Variants in AKAP6 observed in about 807,000 individuals in gnomAD.
The protein encoded by AKAP6 is A-kinase anchor protein 6.
A neutral mutation model predicts 188.5 loss-of-function variants in AKAP6; 58 were observed. The observed-to-expected ratio is 0.31, with a 90% CI of 0.25 to 0.38. AKAP6 has a LOEUF of 0.38. Ranked by LOEUF, AKAP6 falls within the 10% of genes least tolerant of loss-of-function variation. The probability of loss-of-function intolerance (pLI) is 1.00; values close to 1 mark genes in which losing one functional copy is unlikely to be tolerated. For missense variants in AKAP6, 2,710 were observed against 2,740.0 expected (o/e 0.99, Z 0.24); for synonymous variants, 989 against 998.6 (o/e 0.99, Z 0.18).
intron 4 of AKAP6, among the ~76,000 whole-genome samples, chr14:32,570,976 G>A (rs1300041100): frequency 6.6e-6 from 1 of 152,138 alleles, no homozygotes; most frequent in Non-Finnish European, 1.5e-5. Context: ...CCACCTTCTA[G>A]CTGTAGGGTA....
chr14:32,736,787 G>T (rs968793297), intron 11 of AKAP6, among the ~76,000 whole-genome samples: 2 of 134,088 alleles, frequency 1.5e-5, no homozygotes, highest in Middle Eastern at 3.7e-3. Flanking sequence ...CCAGTAATCC[G>T]TCAGAAAATT....
chr14:32,744,348 G>T (rs146761353), intron 11 of AKAP6, among the ~76,000 whole-genome samples: 3 of 150,964 alleles, frequency 2.0e-5, no homozygotes, highest in Admixed American at 6.6e-5. Context: ...ATGGAGTCTC[G>T]CTCTGTCACC....
At chr14:32,583,973 G>A (rs957786276) in intron 5 of AKAP6, among the ~76,000 whole-genome samples, 10 of 152,198 alleles carry the variant, frequency 6.6e-5, no homozygotes, top group Admixed American at 1.3e-4. Flanking sequence ...CGCACGGTGC[G>A]CTGCACCCAC....
At chr14:32,334,237 A>G (rs6571510) in intron 1 of AKAP6, among the ~76,000 whole-genome samples, 23,699 of 152,154 alleles carry the variant, frequency 0.16, 2,104 homozygotes, top group East Asian at 0.36. Flanking sequence ...AAAACATTCA[A>G]TGGAAGATTG....
intron 2 of AKAP6, among the ~76,000 whole-genome samples, chr14:32,523,024 T>C (rs1281844916): frequency 6.6e-6 from 1 of 152,140 alleles, no homozygotes; most frequent in Non-Finnish European, 1.5e-5. Flanking sequence ...ATGTCCTTTG[T>C]AGGGACATGG....
chr14:32,754,133 A>AT (rs1219343487), intron 11 of AKAP6, among the ~76,000 whole-genome samples: 1 of 151,904 alleles, frequency 6.6e-6, no homozygotes. Context: ...TTGTATTGCT[A>AT]TTTCTCTCTT....
intron 2 of AKAP6, among the ~76,000 whole-genome samples, chr14:32,487,070 A>C (rs550186989): frequency 5.3e-5 from 8 of 152,204 alleles, no homozygotes; most frequent in African/African-American, 1.9e-4. Flanking sequence ...CTCTGTTGAG[A>C]TAATCATGTG....
At chr14:32,631,091 T>C (rs868264923) in intron 7 of AKAP6, among the ~76,000 whole-genome samples, 3 of 152,082 alleles carry the variant, frequency 2.0e-5, no homozygotes, top group Non-Finnish European at 4.4e-5. Context: ...AGAAATATAC[T>C]TTCCATGTCT....
At chr14:32,718,414 A>G (rs1566664563) in intron 9 of AKAP6, 2 of 698,342 alleles carry the variant, frequency 2.9e-6, no homozygotes, top group Non-Finnish European at 3.5e-6. Context: ...AAAAGGCCCA[A>G]GGGGTCAGGG....
rs528412059 is a variant in AKAP6, at chr14:32,660,036, C to T, written c.2731-18275C>T. Among the ~76,000 whole-genome samples the T allele has an allele frequency of 5.9e-5, 9 of 152,180 alleles. No homozygotes were observed. In the South Asian group the frequency reaches 1.5e-3, roughly 25 times the overall value. ...TATATAAAGAAAGGTAAAAGGGAATCGTATTGATTGGACAAGAAGATGTTA... is the reference window on the plus strand; with the variant it reads ...TATATAAAGAAAGGTAAAAGGGAATTGTATTGATTGGACAAGAAGATGTTA... On this transcript the variant is annotated intron_variant, in intron 7 of 13. Transcript: ENST00000280979.
At chr14:32,437,847 G>A (rs1283096022) in intron 2 of AKAP6, among the ~76,000 whole-genome samples, 2 of 152,136 alleles carry the variant, frequency 1.3e-5, no homozygotes, top group African/African-American at 4.8e-5. Context: ...CGATCTTCTA[G>A]CCTCTGCCTT....
Position 32,367,648 on chromosome 14 carries a change from T to C in AKAP6, c.-35+38240T>C, listed in dbSNP as rs559245126. 9.2e-5 allele frequency among the ~76,000 whole-genome samples: 14 copies of C among 152,304 alleles called. No homozygotes were observed. In the South Asian group the frequency reaches 2.9e-3, roughly 32 times the overall value. On this transcript the variant is annotated intron_variant, in intron 1 of 13. Transcript: ENST00000280979. ...TTCTCTTCAGTGACTACATCACCAT[T>C]AGTATCCTGCTTACTAAGTCTTCCC...
intron 2 of AKAP6, among the ~76,000 whole-genome samples, chr14:32,453,635 C>T (rs1490393721): frequency 9.3e-6 from 1 of 107,944 alleles, no homozygotes; most frequent in Non-Finnish European, 1.7e-5. Context: ...CTCGTTCTGT[C>T]GCCCAGGCGG....
chr14:32,433,258 G>T, intron 1 of AKAP6: 1 of 488,072 alleles, frequency 2.0e-6, no homozygotes, highest in South Asian at 2.5e-5. Flanking sequence ...TATCACAGTG[G>T]TTTTATGTTC....
intron 12 of AKAP6, among the ~76,000 whole-genome samples, chr14:32,792,283 C>A (rs1489803120): frequency 2.0e-5 from 3 of 152,070 alleles, no homozygotes; most frequent in Non-Finnish European, 4.4e-5. Flanking sequence ...TGTTTGTGTC[C>A]TCTCTTATTT....
At chr14:32,407,134 G>A (rs1316424933) in intron 1 of AKAP6, among the ~76,000 whole-genome samples, 2 of 152,114 alleles carry the variant, frequency 1.3e-5, no homozygotes, top group Non-Finnish European at 2.9e-5. Context: ...CACAGGACAG[G>A]CTGGTTCCTT....
intron 11 of AKAP6, among the ~76,000 whole-genome samples, chr14:32,755,215 C>T (rs2032286400): frequency 6.6e-6 from 1 of 151,970 alleles, no homozygotes; most frequent in Non-Finnish European, 1.5e-5. Flanking sequence ...TTTTGTTCTA[C>T]TTACTAGGTA....
chr14:32,416,904 G>A (rs924732299), intron 1 of AKAP6, among the ~76,000 whole-genome samples: 1 of 151,466 alleles, frequency 6.6e-6, no homozygotes, highest in Non-Finnish European at 1.5e-5. Flanking sequence ...ACTGTGGTGT[G>A]ATCTTGGCTC....
intron 2 of AKAP6, among the ~76,000 whole-genome samples, chr14:32,503,923 G>T (rs1469664023): frequency 6.6e-6 from 1 of 151,546 alleles, no homozygotes; most frequent in African/African-American, 2.4e-5. Context: ...CCCATAAAAA[G>T]GCAAGTTTGT....
Sources: gnomAD v4.1 joint callset for allele counts (sites outside exome capture counted in the v4.1 genomes callset) on GRCh38, gnomAD v4.1.1 for gene constraint, MANE v1.5 for transcripts, NCBI Gene and HGNC (gene_info 2026-07-23, HGNC 2026-07-21) for gene names.